The following KDM4C variants were observed in gnomAD, a reference collection of about 807,000 sequenced individuals.
KDM4C encodes the protein lysine demethylase 4C, also known as lysine-specific demethylase 4C.
KDM4C carries 81 observed loss-of-function variants against 129.3 expected under a neutral mutation model. The ratio of observed to expected loss-of-function variants is 0.63; its 90% CI spans 0.52 to 0.75. The LOEUF (loss-of-function observed/expected upper bound fraction) is 0.75. KDM4C is among the 30% of genes least tolerant of loss of function. The probability of loss-of-function intolerance (pLI) is 0.00; values close to 1 mark genes in which losing one functional copy is unlikely to be tolerated. For missense variants in KDM4C, 1,457 were observed against 1,304.0 expected (o/e 1.12, Z -1.81); for synonymous variants, 573 against 456.1 (o/e 1.26, Z -3.26).
intron 17 of KDM4C, among the ~76,000 whole-genome samples, chr9:7,090,944 A>C (rs1019789975): frequency 3.3e-5 from 5 of 152,218 alleles, no homozygotes; most frequent in Non-Finnish European, 7.3e-5. Flanking sequence ...CATCCTATTC[A>C]TGTCCATTAT....
intron 15 of KDM4C, among the ~76,000 whole-genome samples, chr9:7,035,549 A>G (rs377231923): frequency 1.3e-5 from 2 of 151,812 alleles, no homozygotes; most frequent in East Asian, 3.9e-4. Context: ...TTTATTCATA[A>G]AATCATTTCC....
chr9:6,825,468 A>C (rs1833737019), intron 4 of KDM4C, among the ~76,000 whole-genome samples: 1 of 152,144 alleles, frequency 6.6e-6, no homozygotes. Flanking sequence ...TTCTATCTTT[A>C]TTTATTGGCC....
intron 1 of KDM4C, among the ~76,000 whole-genome samples, chr9:6,725,706 CTTTTCTTTTT>C (rs928311332): frequency 1.0e-5 from 1 of 99,386 alleles, no homozygotes. Context: ...CTTTTCTTTT[CTTTTCTTTTT>C]TTTTTTTTTT....
At chr9:7,018,525 G>C (rs542352726) in intron 15 of KDM4C, among the ~76,000 whole-genome samples, 1 of 152,214 alleles carries the variant, frequency 6.6e-6, no homozygotes, top group South Asian at 2.1e-4. Context: ...TGCAGAATCA[G>C]TTTGGTCAGT....
intron 4 of KDM4C, among the ~76,000 whole-genome samples, chr9:6,833,600 A>G (rs904074539): frequency 8.5e-5 from 13 of 152,196 alleles, no homozygotes; most frequent in Non-Finnish European, 1.6e-4. Flanking sequence ...CCTCATTTAT[A>G]AAACAGTGTT....
At chr9:6,983,965 T>C (rs1256704255) in intron 9 of KDM4C, among the ~76,000 whole-genome samples, 2 of 152,204 alleles carry the variant, frequency 1.3e-5, no homozygotes, top group Non-Finnish European at 2.9e-5. Flanking sequence ...AATTTTAAAG[T>C]TTTATTGATT....
At chr9:7,087,887 G>C (rs1460134000) in intron 17 of KDM4C, among the ~76,000 whole-genome samples, 1 of 152,194 alleles carries the variant, frequency 6.6e-6, no homozygotes, top group Non-Finnish European at 1.5e-5. Context: ...AATTGTGTGA[G>C]AGGGCACGTA....
chr9:7,119,061 G>A (rs1236972337), intron 18 of KDM4C, among the ~76,000 whole-genome samples: 1 of 152,128 alleles, frequency 6.6e-6, no homozygotes, highest in Non-Finnish European at 1.5e-5. Flanking sequence ...ATTTAAGAAT[G>A]CAGTGCATAT....
At chr9:7,083,853 A>G (rs781694270) in intron 17 of KDM4C, among the ~76,000 whole-genome samples, 7 of 151,992 alleles carry the variant, frequency 4.6e-5, no homozygotes, top group Non-Finnish European at 7.4e-5. Flanking sequence ...TGTCCACTGT[A>G]ACTCTGTGAG....
At chr9:6,963,236 C>T (rs1020064484) in intron 8 of KDM4C, among the ~76,000 whole-genome samples, 2 of 151,936 alleles carry the variant, frequency 1.3e-5, no homozygotes, top group African/African-American at 4.8e-5. Context: ...TTTTAGTAAG[C>T]AAATAAAAAA....
intron 1 of KDM4C, among the ~76,000 whole-genome samples, chr9:6,731,509 A>G (rs1011117575): frequency 6.6e-6 from 1 of 151,004 alleles, no homozygotes; most frequent in African/African-American, 2.4e-5. Flanking sequence ...TTTTTTTTGT[A>G]TTTTTAGTAG....
At chr9:6,868,764 T>A (rs534492485) in intron 5 of KDM4C, among the ~76,000 whole-genome samples, 120 of 152,240 alleles carry the variant, frequency 7.9e-4, no homozygotes, top group Middle Eastern at 3.4e-3. Context: ...GAGGGCTGAC[T>A]GTACTAGAAA....
intron 15 of KDM4C, among the ~76,000 whole-genome samples, chr9:7,020,399 T>A (rs995257811): frequency 7.9e-5 from 12 of 152,344 alleles, no homozygotes; most frequent in African/African-American, 2.9e-4. Flanking sequence ...GGCACAACTA[T>A]CTGACAGCTA....
intron 19 of KDM4C, among the ~76,000 whole-genome samples, chr9:7,133,802 C>G (rs1349747129): frequency 1.3e-5 from 2 of 152,132 alleles, no homozygotes; most frequent in Non-Finnish European, 2.9e-5. Context: ...ATTCCAGAGG[C>G]AAAAGAAAAT....
intron 17 of KDM4C, among the ~76,000 whole-genome samples, chr9:7,073,315 A>AT (rs2132842516): frequency 6.6e-6 from 1 of 152,364 alleles, no homozygotes; most frequent in East Asian, 1.9e-4. Context: ...ATTAAATGAG[A>AT]TATATGCGAT....
chr9:6,919,778 T>C (rs56808908), intron 8 of KDM4C, among the ~76,000 whole-genome samples: 12,682 of 152,076 alleles, frequency 0.083, 1,478 homozygotes, highest in African/African-American at 0.26. Context: ...TTTAACCATG[T>C]TGGCCAGACT....
Position 7,128,221 on chromosome 9 carries a change from T to G in KDM4C, c.2766T>G (p.Phe922Leu). The G allele has an allele frequency of 6.3e-7, 1 of 1,597,248 alleles. No homozygotes were observed. The highest frequency in any genetic ancestry group is 1.1e-5 in the South Asian group (1 of 88,346). ...ATGGCTCCTTTAGCAGAGACACATT[T>G]CCTGAGGATATCGTGGTAAGTAGGC... Reference protein sequence around the residue: ...FDDGSFSRDTFPEDIVSRDCL... With the variant: ...FDDGSFSRDTLPEDIVSRDCL... Residue 922 changes from phenylalanine to leucine, a missense_variant, in exon 19 of 22, where the codon TTT (phenylalanine) becomes TTG (leucine). By Grantham distance (22) the Phe-to-Leu change is conservative. Transcript: ENST00000381309.
chr9:6,864,813 T>C (rs1262062308), intron 5 of KDM4C, among the ~76,000 whole-genome samples: 2 of 151,670 alleles, frequency 1.3e-5, no homozygotes, highest in East Asian at 1.9e-4. Flanking sequence ...GGCAATCTTT[T>C]TTTTTAATTT....
In KDM4C at chr9:6,962,874, T is replaced by G. The variant is rs192690606; in HGVS notation, c.922-18051T>G. On this transcript the variant is annotated intron_variant, in intron 8 of 21. Transcript: ENST00000381309. ...AAGAATCAAGTACTAATGTTTTCTG[T>G]AATTCATTATGCATGTGAGAATTAT... Among the ~76,000 whole-genome samples the G allele has an allele frequency of 6.7e-3, 1,018 of 152,334 alleles. 11 individuals are homozygous for G. Among genetic ancestry groups the G allele is most frequent in the Non-Finnish European group, 7.1e-3 (481 of 68,004 alleles).
Sources: allele counts gnomAD v4.1 joint callset (sites outside exome capture counted in the v4.1 genomes callset), GRCh38; gene constraint gnomAD v4.1.1; transcripts MANE v1.5; gene names NCBI Gene and HGNC (gene_info 2026-07-23, HGNC 2026-07-21).